APAF1: variants seen among roughly 807,000 people sequenced by gnomAD.
The protein encoded by APAF1 is apoptotic protease-activating factor 1.
A neutral mutation model predicts 152.4 loss-of-function variants in APAF1; 91 were observed. That is an observed-to-expected ratio of 0.60 (90% confidence interval 0.50 to 0.71). APAF1 has a LOEUF of 0.71. APAF1 is among the 30% of genes least tolerant of loss of function. The pLI, the probability that APAF1 is intolerant of heterozygous loss-of-function variation, is 0.00. For synonymous variants in APAF1, 484 were observed against 494.1 expected, an observed-to-expected ratio of 0.98 and a Z score of 0.27; for missense variants, 1,283 against 1,472.0, an observed-to-expected ratio of 0.87 and a Z score of 2.10.
rs142059001 is a variant in APAF1 at position 98,683,068 on chromosome 12, T to G, written c.2047-75T>G. 7.4e-5 allele frequency: 87 copies of G among 1,178,200 alleles called. No homozygotes were observed. In the African/African-American group the frequency reaches 1.1e-3, roughly 15 times the overall value. The allele number at this position is 1,178,200 out of a possible 1,614,324, so 73.0% of individuals were successfully genotyped here. On this transcript the variant is annotated intron_variant, in intron 14 of 26. Coordinates refer to ENST00000551964, the MANE Select transcript of APAF1 (RefSeq NM_181861.2). ...GGATAAGATAGCATTTGCAAAGCAA[T>G]GGACATTGCTTTGCCCCTCTGTTCT...
chr12:98,676,709 C>T (rs538984479), intron 12 of APAF1, among the ~76,000 whole-genome samples: 104 of 145,188 alleles, frequency 7.2e-4, no homozygotes, highest in African/African-American at 2.2e-3. Flanking sequence ...TGCAGTGGCG[C>T]GATCTTGGCT....
intron 8 of APAF1, 76 bp from the exon 9 acceptor site, chr12:98,666,114 T>C: frequency 7.3e-6 from 10 of 1,364,740 alleles, no homozygotes; most frequent in Non-Finnish European, 1.0e-5. Flanking sequence ...CGTTTTTTTG[T>C]GTGTGTGATA....
At chr12:98,686,714 G>C in intron 15 of APAF1, 34 bp from the exon 16 acceptor site, 1 of 1,600,288 alleles carries the variant, frequency 6.2e-7, no homozygotes, top group Non-Finnish European at 8.5e-7. Flanking sequence ...CTCAATACTA[G>C]TTGTTTATTT....
At chr12:98,731,362 G>A (rs2097761141) in intron 26 of APAF1, among the ~76,000 whole-genome samples, 1 of 152,118 alleles carries the variant, frequency 6.6e-6, no homozygotes, top group Non-Finnish European at 1.5e-5. Flanking sequence ...TCTTGGTGCT[G>A]TACATTTTTC....
At position 98,706,550 on chromosome 12, in the gene APAF1, T is replaced by G. The variant is rs757986082; in HGVS notation, c.2661T>G (p.Gly887=). ...DCRGHLSWVH[G]VMFSPDGSSF... ...GAGGACATTTAAGTTGGGTTCATGG[T>G]GTGATGTTTTCTCCTGATGGATCAT... Residue 887 remains glycine (G), a synonymous_variant, in exon 19 of 27, where the codon GGT becomes GGG. Transcript: ENST00000551964. The G allele has an allele frequency of 4.3e-6, 7 of 1,613,902 alleles. No individual in the cohort carries two copies. The East Asian group carries it at 1.1e-4, about 26-fold the overall frequency.
At position 98,680,191 on chromosome 12, in the gene APAF1, AT is replaced by A. The variant is rs1435695924; in HGVS notation, c.1921-84del. The A allele has an allele frequency of 2.7e-5, 38 of 1,410,762 alleles. No homozygotes were observed. The East Asian group carries it at 8.2e-4, about 30-fold the overall frequency. The allele number at this position is 1,410,762 out of a possible 1,614,324, so 87.4% of individuals were successfully genotyped here. On this transcript the variant is annotated intron_variant, in intron 13 of 26. Transcript: ENST00000551964. ...CTTTCTGTTTTGCAAAATGACAATG[AT>A]TAAACTCACTTAAAGATTTTTATTG...
At chr12:98,727,715 C>T (rs1171091891) in intron 26 of APAF1, among the ~76,000 whole-genome samples, 21 of 152,048 alleles carry the variant, frequency 1.4e-4, no homozygotes, top group African/African-American at 4.3e-4. Flanking sequence ...CCAAGGTGGG[C>T]GGATCACCTG....
At chr12:98,662,364 G>T in intron 5 of APAF1, 92 bp from the exon 6 acceptor site, 1 of 942,466 alleles carries the variant, frequency 1.1e-6, no homozygotes, top group Non-Finnish European at 1.7e-6. Flanking sequence ...AATTTAATTT[G>T]GTAGATTTTA....
chr12:98,673,453 A>C (rs531599787), intron 12 of APAF1, among the ~76,000 whole-genome samples: 12 of 152,040 alleles, frequency 7.9e-5, no homozygotes, highest in African/African-American at 2.4e-4. Flanking sequence ...AAAAAAAAAA[A>C]AAACAAAAAA....
chr12:98,668,091 T>G (rs1282592591), intron 10 of APAF1, among the ~76,000 whole-genome samples: 1 of 152,186 alleles, frequency 6.6e-6, no homozygotes, highest in Non-Finnish European at 1.5e-5. Context: ...GCTGAAGATT[T>G]GAATTTTTAT....
chr12:98,712,216 A>G, intron 20 of APAF1, 103 bp from the exon 21 acceptor site: 1 of 749,110 alleles, frequency 1.3e-6, no homozygotes. Context: ...CTTGTTGGTT[A>G]TTTTCTGTGT....
intron 22 of APAF1, among the ~76,000 whole-genome samples, chr12:98,718,688 C>A (rs1354318600): frequency 6.6e-6 from 1 of 152,078 alleles, no homozygotes; most frequent in Admixed American, 6.5e-5. Flanking sequence ...TTAATCCCAG[C>A]ACTTTGGGAG....
intron 10 of APAF1, among the ~76,000 whole-genome samples, chr12:98,670,442 C>G (rs1565866626): frequency 6.6e-6 from 1 of 151,802 alleles, no homozygotes; most frequent in African/African-American, 2.4e-5. Context: ...CTTTTTCTTA[C>G]TGTTTTATTA....
chr12:98,686,228 C>G (rs1373618922), intron 15 of APAF1, among the ~76,000 whole-genome samples: 2 of 151,916 alleles, frequency 1.3e-5, no homozygotes, highest in African/African-American at 4.8e-5. Context: ...TCCCTTTTTC[C>G]TCTGACTGCT....
In APAF1 at chr12:98,733,815, C is replaced by G. The variant is rs572588413; in HGVS notation, c.*1249C>G. ...GTCTACCCTTTTCTCACTGTAGCTG[C>G]TGGCAGCCCTGTGCCATATCTGGAC... On this transcript the variant is annotated 3_prime_UTR_variant, in exon 27 of 27. Transcript: ENST00000551964. 1.3e-5 allele frequency: 2 copies of G among 152,328 alleles called. No individual in the cohort carries two copies. The highest frequency in any genetic ancestry group is 4.8e-5 in the African/African-American group (2 of 41,566). The allele number at this position is 152,328 out of a possible 1,614,324, so 9.4% of individuals were successfully genotyped here.
At chr12:98,670,795 G>A (rs2097679148) in intron 10 of APAF1, 178 bp from the exon 11 acceptor site, 3 of 493,524 alleles carry the variant, frequency 6.1e-6, no homozygotes, top group African/African-American at 3.9e-5. Context: ...TGGAGCTGAA[G>A]TATGAGGCCC....
At chr12:98,722,241 A>G (rs138939479) in intron 22 of APAF1, among the ~76,000 whole-genome samples, 17 of 152,168 alleles carry the variant, frequency 1.1e-4, no homozygotes, top group African/African-American at 3.9e-4. Flanking sequence ...GCTATCTCCA[A>G]ATTTTCTCTA....
intron 16 of APAF1, among the ~76,000 whole-genome samples, chr12:98,694,740 T>C (rs1408148941): frequency 2.6e-5 from 4 of 152,184 alleles, no homozygotes; most frequent in African/African-American, 4.8e-5. Context: ...GTTTGGATTT[T>C]AGACATAGAT....
At chr12:98,648,530 A>G (rs753203820) in intron 2 of APAF1, 33 bp downstream of exon 2, 21 of 1,609,710 alleles carry the variant, frequency 1.3e-5, no homozygotes, top group Non-Finnish European at 1.6e-5. Context: ...ACACTTCCTT[A>G]AAAATTTTTA....
Sources: allele counts gnomAD v4.1 joint callset (sites outside exome capture counted in the v4.1 genomes callset), GRCh38; gene constraint gnomAD v4.1.1; transcripts MANE v1.5; gene names NCBI Gene and HGNC (gene_info 2026-07-23, HGNC 2026-07-21).